ERBIN: variants seen among roughly 807,000 people sequenced by gnomAD.
ERBIN encodes erbb2 interacting protein.
In ERBIN, 60 loss-of-function variants were observed where a neutral mutation model predicts 158.4. That is an observed-to-expected ratio of 0.38 (90% confidence interval 0.31 to 0.47). ERBIN has a LOEUF of 0.47. Among genes scored for constraint, ERBIN ranks in the 20% least tolerant of loss-of-function variants. The probability of loss-of-function intolerance (pLI) is 0.99; values close to 1 mark genes in which losing one functional copy is unlikely to be tolerated. For synonymous variants in ERBIN, 594 were observed against 557.2 expected, an observed-to-expected ratio of 1.07 and a Z score of -0.93; for missense variants, 1,610 against 1,648.0, an observed-to-expected ratio of 0.98 and a Z score of 0.40.
intron 21 of ERBIN, among the ~76,000 whole-genome samples, chr5:66,060,906 CA>C (rs1346635060): frequency 6.6e-6 from 1 of 152,138 alleles, no homozygotes; most frequent in Non-Finnish European, 1.5e-5. Context: ...GTCTGAGAGA[CA>C]GTTTGTTATA....
intron 23 of ERBIN, among the ~76,000 whole-genome samples, chr5:66,075,692 TAGAA>T (rs1761920774): frequency 6.6e-6 from 1 of 152,150 alleles, no homozygotes; most frequent in African/African-American, 2.4e-5. Context: ...ATGATAATAT[TAGAA>T]AGGTAGAGAT....
At chr5:65,999,364 T>G (rs982086164) in intron 4 of ERBIN, among the ~76,000 whole-genome samples, 7 of 152,166 alleles carry the variant, frequency 4.6e-5, no homozygotes, top group African/African-American at 1.7e-4. Context: ...CCATCTCAAA[T>G]GAATAAATAA....
intron 4 of ERBIN, among the ~76,000 whole-genome samples, chr5:66,003,508 A>G (rs897593006): frequency 6.6e-6 from 1 of 152,196 alleles, no homozygotes; most frequent in African/African-American, 2.4e-5. Context: ...TTAGAGTAGA[A>G]CTAAAGCTGT....
chr5:66,037,310 T>A (rs1200751588), intron 14 of ERBIN, among the ~76,000 whole-genome samples: 1 of 151,444 alleles, frequency 6.6e-6, no homozygotes, highest in East Asian at 1.9e-4. Context: ...AAGGTATGGG[T>A]TATATGCCTC....
In ERBIN at chr5:66,044,322, C is replaced by G; in HGVS notation, c.1602+12C>G. 6.3e-7 allele frequency: 1 copy of G among 1,574,812 alleles called. No individual in the cohort carries two copies. The highest frequency in any genetic ancestry group is 8.6e-7 in the Non-Finnish European group (1 of 1,167,576). On this transcript the variant is annotated intron_variant, in intron 17 of 25. Transcript: ENST00000284037. Reference sequence around the variant, plus strand: ...ATGTGGGTGTGAAGGTTAGAAAATTCAAAAGGATTAACCAAAGCCTATTTC... The same window carrying G: ...ATGTGGGTGTGAAGGTTAGAAAATTGAAAAGGATTAACCAAAGCCTATTTC...
At chr5:66,011,529 A>G (rs1421281228) in intron 4 of ERBIN, among the ~76,000 whole-genome samples, 1 of 152,168 alleles carries the variant, frequency 6.6e-6, no homozygotes, top group African/African-American at 2.4e-5. Context: ...CTCTACTGAA[A>G]TACAAAAATT....
In ERBIN at chr5:65,976,520, C is replaced by CTT. The variant is rs778638629; in HGVS notation, c.-57-12101_-57-12100dup. ...GAGAAAGCTATTTCTTTTCTTTTTT[C>CTT]TTTTTTTTTTTTTTTATTGATCATT... On this transcript the variant is annotated intron_variant, in intron 1 of 25. Coordinates refer to ENST00000284037, the MANE Select transcript of ERBIN (RefSeq NM_001253697.2). Among the ~76,000 whole-genome samples the CTT allele has an allele frequency of 2.8e-3, 387 of 138,044 alleles. 4 individuals carry two copies. The highest frequency in any genetic ancestry group is 9.5e-3 in the African/African-American group (361 of 37,950). 90.6% of individuals were successfully genotyped at this position (138,044 alleles called of 152,430 possible).
At chr5:65,953,564 A>G (rs1018931225) in intron 1 of ERBIN, among the ~76,000 whole-genome samples, 25 of 152,142 alleles carry the variant, frequency 1.6e-4, no homozygotes, top group Admixed American at 6.5e-4. Context: ...CCAAGTCACA[A>G]TACTCTACCT....
chr5:66,005,700 G>T (rs1291560088), intron 4 of ERBIN, among the ~76,000 whole-genome samples: 1 of 152,120 alleles, frequency 6.6e-6, no homozygotes, highest in Non-Finnish European at 1.5e-5. Flanking sequence ...CTTCAGCAAA[G>T]TCTCAGGATA....
At chr5:65,952,342 A>C (rs1449185032) in intron 1 of ERBIN, among the ~76,000 whole-genome samples, 1 of 152,112 alleles carries the variant, frequency 6.6e-6, no homozygotes, top group Non-Finnish European at 1.5e-5. Flanking sequence ...TTATACTTCT[A>C]AAATTTTTAT....
At chr5:66,032,450 A>G (rs1040400740) in intron 14 of ERBIN, among the ~76,000 whole-genome samples, 8 of 152,162 alleles carry the variant, frequency 5.3e-5, no homozygotes, top group Non-Finnish European at 8.8e-5. Context: ...TGAGAACAAC[A>G]TGTATAAGTT....
At chr5:66,049,086 A>G (rs1190927642) in intron 19 of ERBIN, among the ~76,000 whole-genome samples, 3 of 152,074 alleles carry the variant, frequency 2.0e-5, no homozygotes. Context: ...ATCCATGTGT[A>G]CATATCTGAT....
At chr5:66,062,813 CCT>C (rs1255472719) in intron 21 of ERBIN, among the ~76,000 whole-genome samples, 1 of 152,156 alleles carries the variant, frequency 6.6e-6, no homozygotes, top group Non-Finnish European at 1.5e-5. Flanking sequence ...CACTCCAGAC[CCT>C]GTTTGCCTGG....
chr5:66,065,895 G>T (rs1036676123), intron 21 of ERBIN, among the ~76,000 whole-genome samples: 1 of 152,046 alleles, frequency 6.6e-6, no homozygotes, highest in Non-Finnish European at 1.5e-5. Context: ...GTTAGATGTG[G>T]TTCTTTTGAG....
Position 65,929,637 on chromosome 5 carries a change from CT to C in ERBIN, c.-58+2851del, listed in dbSNP as rs762687200. 8.9e-3 allele frequency among the ~76,000 whole-genome samples: 1,082 copies of C among 121,646 alleles called. 5 individuals carry two copies. The highest frequency in any genetic ancestry group is 0.031 in the African/African-American group (909 of 29,336). The allele number at this position is 121,646 out of a possible 152,430, so 79.8% of individuals were successfully genotyped here. A position where few individuals can be genotyped will look rare whatever the true frequency, so the allele number is the denominator to read the frequency against. On this transcript the variant is annotated intron_variant, in intron 1 of 25. Coordinates refer to ENST00000284037, the MANE Select transcript of ERBIN (RefSeq NM_001253697.2). ...TCTAAAGATGTCTTTGTCTTTTCCTCTTTTTTTTTTTTTTTTTTTTCGAGAT... is the reference window on the plus strand; with the variant it reads ...TCTAAAGATGTCTTTGTCTTTTCCTCTTTTTTTTTTTTTTTTTTTCGAGAT...
chr5:66,009,058 C>G (rs1400879399), intron 4 of ERBIN, among the ~76,000 whole-genome samples: 1 of 152,216 alleles, frequency 6.6e-6, no homozygotes, highest in Non-Finnish European at 1.5e-5. Flanking sequence ...ACTCCCTCTG[C>G]TTACTCTGTA....
In ERBIN at chr5:65,964,908, TTGTGTGTGTGTGTGTGTGTG is replaced by T. The variant is rs70987104; in HGVS notation, c.-57-23709_-57-23690del. Among the ~76,000 whole-genome samples, 269 of 107,256 alleles carry T rather than the reference TTGTGTGTGTGTGTGTGTGTG, an allele frequency of 2.5e-3. 3 individuals are homozygous for T. Among genetic ancestry groups the T allele is most frequent in the African/African-American group, 8.7e-3 (221 of 25,308 alleles). The allele number at this position is 107,256 out of a possible 152,430, so 70.4% of individuals were successfully genotyped here. On this transcript the variant is annotated intron_variant, in intron 1 of 25. Coordinates refer to ENST00000284037, the MANE Select transcript of ERBIN (RefSeq NM_001253697.2). ...GCGTGGGCCACCACGCCTGGCTGATTTGTGTGTGTGTGTGTGTGTGTGTGTGTGTGTGTGTGTAATTTTTT... is the reference window on the plus strand; with the variant it reads ...GCGTGGGCCACCACGCCTGGCTGATTTGTGTGTGTGTGTGTGTAATTTTTT...
intron 18 of ERBIN, 47 bp downstream of exon 18, chr5:66,046,585 T>A: frequency 7.2e-7 from 1 of 1,385,474 alleles, no homozygotes; most frequent in Non-Finnish European, 9.7e-7. Context: ...ACTTTCAATT[T>A]AATATTTTAT....
intron 1 of ERBIN, among the ~76,000 whole-genome samples, chr5:65,976,434 C>T (rs1749862686): frequency 6.6e-6 from 1 of 152,108 alleles, no homozygotes; most frequent in Non-Finnish European, 1.5e-5. Context: ...GATCGCACCA[C>T]TGTACTCCAG....
Sources: gnomAD v4.1 joint callset for allele counts (sites outside exome capture counted in the v4.1 genomes callset) on GRCh38, gnomAD v4.1.1 for gene constraint, MANE v1.5 for transcripts, NCBI Gene and HGNC (gene_info 2026-07-23, HGNC 2026-07-21) for gene names.